Variants in CPT1A observed in about 807,000 individuals in gnomAD.
The protein encoded by CPT1A is carnitine O-palmitoyltransferase 1, liver isoform.
CPT1A carries 64 observed loss-of-function variants against 100.8 expected under a neutral mutation model. The observed-to-expected ratio is 0.63, with a 90% CI of 0.52 to 0.78. CPT1A has a LOEUF of 0.78. Ranked by LOEUF, CPT1A falls within the 30% of genes least tolerant of loss-of-function variation. CPT1A has a pLI of 0.00. For missense variants in CPT1A, 802 were observed against 1,034.1 expected, an observed-to-expected ratio of 0.78 and a Z score of 3.08; for synonymous variants, 363 against 396.0, an observed-to-expected ratio of 0.92 and a Z score of 0.99.
intron 3 of CPT1A, among the ~76,000 whole-genome samples, chr11:68,807,893 C>G (rs1272598803): frequency 2.0e-5 from 3 of 152,266 alleles, no homozygotes; most frequent in Non-Finnish European, 4.4e-5. Context: ...CCTGTTTGCT[C>G]TCTTCCCAGA....
rs897048 is a variant in CPT1A, at chr11:68,761,910, C to G, written c.1876-223G>C. Reference sequence around the variant, plus strand: ...ACAGGCGTGAGTCACCGCGCCCGGTCTGACAGCCTTTCCAGAATGAAGTTT... The same window carrying G: ...ACAGGCGTGAGTCACCGCGCCCGGTGTGACAGCCTTTCCAGAATGAAGTTT... On this transcript the variant is annotated intron_variant, in intron 15 of 18. Coordinates refer to ENST00000265641, the MANE Select transcript of CPT1A (RefSeq NM_001876.4). Among the ~76,000 whole-genome samples, 115,131 of 151,926 alleles carry G rather than the reference C, an allele frequency of 0.76. 44,678 individuals are homozygous for G. The highest frequency in any genetic ancestry group is 0.88 in the East Asian group (4,528 of 5,146).
intron 5 of CPT1A, among the ~76,000 whole-genome samples, chr11:68,800,777 A>G (rs995213541): frequency 6.6e-6 from 1 of 152,140 alleles, no homozygotes; most frequent in African/African-American, 2.4e-5. Flanking sequence ...ATCTCTCTAT[A>G]GTCCCTCCCT....
At chr11:68,815,857 C>T (rs571498069) in intron 1 of CPT1A, among the ~76,000 whole-genome samples, 1 of 145,978 alleles carries the variant, frequency 6.9e-6, no homozygotes, top group Non-Finnish European at 1.5e-5. Context: ...CATCCAGGCC[C>T]GTGGTACCCC....
At chr11:68,772,390 G>A (rs1473762023) in intron 14 of CPT1A, among the ~76,000 whole-genome samples, 2 of 152,100 alleles carry the variant, frequency 1.3e-5, no homozygotes, top group South Asian at 2.1e-4. Flanking sequence ...CCAATGCCAC[G>A]ATGACTTGTG....
chr11:68,794,391 A>G (rs536575952), intron 8 of CPT1A, among the ~76,000 whole-genome samples: 4 of 152,218 alleles, frequency 2.6e-5, no homozygotes, highest in Non-Finnish European at 5.9e-5. Context: ...ATCAGAAGTT[A>G]GCAAACTCTA....
chr11:68,759,433 A>T (rs1946758392), intron 18 of CPT1A, 136 bp downstream of exon 18: 1 of 690,012 alleles, frequency 1.4e-6, no homozygotes, highest in Non-Finnish European at 2.6e-6. Flanking sequence ...CAGTCCATTT[A>T]TGTGAAAATT....
intron 10 of CPT1A, 32 bp downstream of exon 10, chr11:68,784,783 C>T: frequency 4.4e-6 from 7 of 1,599,086 alleles, no homozygotes; most frequent in Non-Finnish European, 5.1e-6. Flanking sequence ...CCACCACCCC[C>T]CAAAACAGGA....
intron 1 of CPT1A, among the ~76,000 whole-genome samples, chr11:68,838,927 C>G (rs984396220): frequency 3.3e-5 from 5 of 152,134 alleles, no homozygotes; most frequent in African/African-American, 4.8e-5. Flanking sequence ...AAAAACAAAA[C>G]AAAACAAAAG....
At chr11:68,827,750 T>C (rs976162118) in intron 1 of CPT1A, among the ~76,000 whole-genome samples, 1 of 152,106 alleles carries the variant, frequency 6.6e-6, no homozygotes, top group African/African-American at 2.4e-5. Flanking sequence ...CCCTACGTAT[T>C]TGAGTATCTA....
In CPT1A at chr11:68,784,271, G is replaced by A. The variant is rs557649527; in HGVS notation, c.1163+544C>T. Reference sequence around the variant, plus strand: ...ATATGCCCACAGCCCCGTAAGAAAGGCTAATCCTGGCCAGGCATATGGTTC... The same window carrying A: ...ATATGCCCACAGCCCCGTAAGAAAGACTAATCCTGGCCAGGCATATGGTTC... On this transcript the variant is annotated intron_variant, in intron 10 of 18. Transcript: ENST00000265641. 1.5e-3 allele frequency among the ~76,000 whole-genome samples: 231 copies of A among 152,278 alleles called. 1 individual carries two copies. The highest frequency in any genetic ancestry group is 2.7e-3 in the Non-Finnish European group (183 of 68,028).
At chr11:68,797,076 G>A in intron 6 of CPT1A, 143 bp from the exon 7 acceptor site, 1 of 744,502 alleles carries the variant, frequency 1.3e-6, no homozygotes, top group Non-Finnish European at 2.4e-6. Flanking sequence ...TCCAGAACAG[G>A]GAACGCAGTC....
At position 68,795,784 on chromosome 11, in the gene CPT1A, C is replaced by T. The variant is rs903221246; in HGVS notation, c.772-873G>A. 7.9e-5 allele frequency among the ~76,000 whole-genome samples: 12 copies of T among 151,888 alleles called. No individual in the cohort carries two copies. In the East Asian group the frequency reaches 2.3e-3, roughly 29 times the overall value. On this transcript the variant is annotated intron_variant, in intron 7 of 18. Transcript: ENST00000265641. ...AATTAGCCGGGCGTTGTGGCAGGTG[C>T]CTGTAATCCCAGCTACTCGGGAGGC...
At chr11:68,840,950 T>C (rs1857145024) in intron 1 of CPT1A, among the ~76,000 whole-genome samples, 1 of 151,916 alleles carries the variant, frequency 6.6e-6, no homozygotes, top group Non-Finnish European at 1.5e-5. Flanking sequence ...CACCCGCCCT[T>C]GACCCAGCGC....
chr11:68,841,810 AGCGGCGGCG>A lies in CPT1A; in HGVS notation c.-58_-50del, dbSNP rs891856679. 3.4e-5 allele frequency: 34 copies of A among 993,562 alleles called. No individual in the cohort carries two copies. The East Asian group carries it at 1.7e-3, about 50-fold the overall frequency. 61.5% of individuals were successfully genotyped at this position (993,562 alleles called of 1,614,324 possible). A position where few individuals can be genotyped will look rare whatever the true frequency, so the allele number is the denominator to read the frequency against. On this transcript the variant is annotated 5_prime_UTR_variant, in exon 1 of 19. Coordinates refer to ENST00000265641, the MANE Select transcript of CPT1A (RefSeq NM_001876.4). This position sits in a 1 kb window ranked among gnomAD's most constrained non-coding sequence, Gnocchi z 6.3. ...ACGGAGGTGCGGCAGCGGCAGCGGCAGCGGCGGCGGCGGCGGCGGCGGTGGAGTGAACGA... is the reference window on the plus strand; with the variant it reads ...ACGGAGGTGCGGCAGCGGCAGCGGCAGCGGCGGCGGCGGTGGAGTGAACGA...
chr11:68,791,299 C>G (rs1437436061), intron 9 of CPT1A, among the ~76,000 whole-genome samples: 1 of 152,222 alleles, frequency 6.6e-6, no homozygotes, highest in African/African-American at 2.4e-5. Context: ...GGGACACTGC[C>G]TGCCCTGGTC....
chr11:68,829,600 A>C (rs1856828913), intron 1 of CPT1A, among the ~76,000 whole-genome samples: 2 of 152,214 alleles, frequency 1.3e-5, no homozygotes, highest in African/African-American at 2.4e-5. Flanking sequence ...ATGGATGAAA[A>C]GGGAACTTAA....
At chr11:68,760,433 T>C (rs992793422) in intron 16 of CPT1A, 95 bp from the exon 17 acceptor site, 11 of 970,868 alleles carry the variant, frequency 1.1e-5, no homozygotes, top group African/African-American at 1.6e-5. Flanking sequence ...GCTTGGTCTT[T>C]TGATTGTTCC....
At chr11:68,765,552 A>G (rs1313514421) in intron 14 of CPT1A, among the ~76,000 whole-genome samples, 1 of 152,216 alleles carries the variant, frequency 6.6e-6, no homozygotes, top group Non-Finnish European at 1.5e-5. Flanking sequence ...ATATGGCATC[A>G]CACACTAGCA....
At chr11:68,842,906 G>A (rs1360869290), upstream of CPT1A, among the ~76,000 whole-genome samples, 1 of 152,198 alleles carries the variant, frequency 6.6e-6, no homozygotes, top group African/African-American at 2.4e-5. Context: ...TTCCAGGCGC[G>A]AGCTGGCGGC....
Sources: allele counts gnomAD v4.1 joint callset (sites outside exome capture counted in the v4.1 genomes callset), GRCh38; gene constraint gnomAD v4.1.1; non-coding constraint Gnocchi (gnomAD v3.1); transcripts MANE v1.5; gene names NCBI Gene and HGNC (gene_info 2026-07-23, HGNC 2026-07-21).